GALNT10: variants seen among roughly 807,000 people sequenced by gnomAD.
The protein encoded by GALNT10 is polypeptide N-acetylgalactosaminyltransferase 10, also known as GalNAc transferase 10.
A neutral mutation model predicts 75.0 loss-of-function variants in GALNT10; 41 were observed. That is an observed-to-expected ratio of 0.55 (90% CI 0.43 to 0.71). GALNT10 has a LOEUF of 0.71. Among genes scored for constraint, GALNT10 ranks in the 30% least tolerant of loss-of-function variants. The pLI is 0.00. For missense variants in GALNT10, 727 were observed against 818.5 expected (o/e 0.89, Z 1.36); for synonymous variants, 302 against 313.0 (o/e 0.96, Z 0.37).
chr5:154,247,429 C>T (rs1753445799), intron 1 of GALNT10, among the ~76,000 whole-genome samples: 1 of 152,166 alleles, frequency 6.6e-6, no homozygotes, highest in Admixed American at 6.5e-5. Context: ...ATAATTGATT[C>T]TTCCTACCCG....
intron 7 of GALNT10, among the ~76,000 whole-genome samples, chr5:154,398,831 A>G (rs1013413257): frequency 6.6e-6 from 1 of 152,184 alleles, no homozygotes; most frequent in Non-Finnish European, 1.5e-5. Context: ...TTAAGAAAAA[A>G]TACTTCCTCT....
At chr5:154,306,326 T>C (rs1754432425) in intron 3 of GALNT10, among the ~76,000 whole-genome samples, 1 of 152,170 alleles carries the variant, frequency 6.6e-6, no homozygotes, top group African/African-American at 2.4e-5. Context: ...ATACAAAGTA[T>C]CACTCTAACC....
At chr5:154,210,498 C>T (rs1161411029) in intron 1 of GALNT10, among the ~76,000 whole-genome samples, 3 of 152,312 alleles carry the variant, frequency 2.0e-5, no homozygotes, top group Middle Eastern at 3.4e-3. Flanking sequence ...CCCCCTTCTA[C>T]CCCAACCCTC....
chr5:154,409,633 T>C lies in GALNT10; in HGVS notation c.1257T>C (p.Asp419=). The change falls in exon 9 of 12, where the codon GAT becomes GAC. Residue 419 remains aspartate (D), a synonymous_variant. Coordinates refer to ENST00000297107, the MANE Select transcript of GALNT10 (RefSeq NM_198321.4). The surrounding 1 kb of genome is among the most constrained non-coding windows in gnomAD (Gnocchi z 4.5). ...AATACCGCCACCTCTCCGCTGGGGATGTCGCAGTCCAGAAAAAGCTCCGCA... is the reference window on the plus strand; with the variant it reads ...AATACCGCCACCTCTCCGCTGGGGACGTCGCAGTCCAGAAAAAGCTCCGCA... ...RPEYRHLSAG[D]VAVQKKLRSS... 1 of 1,613,294 alleles carries C rather than the reference T, an allele frequency of 6.2e-7. No homozygotes were observed. The highest frequency in any genetic ancestry group is 2.2e-5 in the East Asian group (1 of 44,880).
chr5:154,257,844 A>C (rs72808624), intron 1 of GALNT10, among the ~76,000 whole-genome samples: 6,548 of 152,204 alleles, frequency 0.043, 165 homozygotes, highest in Middle Eastern at 0.13. Flanking sequence ...GATTTTGCAG[A>C]TATGTTTGTG....
At chr5:154,270,991 C>CA (rs5872366) in intron 1 of GALNT10, among the ~76,000 whole-genome samples, 1,092 of 75,586 alleles carry the variant, frequency 0.014, 11 homozygotes, top group Non-Finnish European at 0.018. Context: ...GATTCCATCT[C>CA]AAAAAAAAAA....
chr5:154,404,139 C>T lies in GALNT10; in HGVS notation c.1092C>T (p.Pro364=). 2 of 1,613,848 alleles carry T rather than the reference C, an allele frequency of 1.2e-6. No homozygotes were observed. Among genetic ancestry groups the T allele is most frequent in the Non-Finnish European group, 1.7e-6 (2 of 1,179,796 alleles). The change falls in exon 8 of 12, where the codon CCC becomes CCT. Residue 364 remains proline (P), a synonymous_variant. Transcript: ENST00000297107. The stretch of plus-strand genomic sequence containing the variant: ...GTGGGGGCCGCATGGAGGACATCCC[C>T]TGCTCCAGGGTGGGCCATATCTACA... The part of the protein sequence containing the change: ...WMCGGRMEDI[P]CSRVGHIYRK...
intron 7 of GALNT10, among the ~76,000 whole-genome samples, chr5:154,393,813 A>G (rs909722001): frequency 3.9e-5 from 6 of 152,156 alleles, no homozygotes; most frequent in African/African-American, 1.4e-4. Context: ...ACTGCACTCC[A>G]GCCTGGGTGA....
chr5:154,336,101 T>C (rs1325650527), intron 4 of GALNT10, among the ~76,000 whole-genome samples: 1 of 152,210 alleles, frequency 6.6e-6, no homozygotes, highest in Admixed American at 6.5e-5. Context: ...CCTTTTCAGA[T>C]TGGCTTCTTT....
At chr5:154,398,083 C>G (rs1339119235) in intron 7 of GALNT10, among the ~76,000 whole-genome samples, 1 of 152,230 alleles carries the variant, frequency 6.6e-6, no homozygotes, top group Non-Finnish European at 1.5e-5. Flanking sequence ...CAGGCTTTCA[C>G]AATTAGATTT....
intron 1 of GALNT10, among the ~76,000 whole-genome samples, chr5:154,289,577 G>A (rs550871385): frequency 2.6e-5 from 4 of 152,324 alleles, no homozygotes; most frequent in Admixed American, 2.6e-4. Flanking sequence ...AGGATTTAGG[G>A]CAAGTCCATT....
intron 4 of GALNT10, among the ~76,000 whole-genome samples, chr5:154,366,385 G>A (rs1040062088): frequency 2.0e-5 from 3 of 152,034 alleles, no homozygotes; most frequent in African/African-American, 7.2e-5. Context: ...GCATTGAGTT[G>A]GAGAAGGTTG....
intron 1 of GALNT10, among the ~76,000 whole-genome samples, chr5:154,222,732 T>C (rs1405524234): frequency 6.6e-6 from 1 of 152,218 alleles, no homozygotes; most frequent in East Asian, 1.9e-4. Flanking sequence ...TCTTCATGTG[T>C]TTATTGGCCG....
chr5:154,213,175 T>C (rs901183355), intron 1 of GALNT10, among the ~76,000 whole-genome samples: 2 of 152,194 alleles, frequency 1.3e-5, no homozygotes, highest in African/African-American at 2.4e-5. Flanking sequence ...TATTATCAGC[T>C]CACAGTCAAA....
intron 1 of GALNT10, among the ~76,000 whole-genome samples, chr5:154,231,907 A>G (rs1753156307): frequency 6.6e-6 from 1 of 152,178 alleles, no homozygotes; most frequent in Non-Finnish European, 1.5e-5. Flanking sequence ...TCTGCACAGG[A>G]TCCTGCATAC....
At position 154,347,644 on chromosome 5, in the gene GALNT10, G is replaced by T. The variant is rs978673270; in HGVS notation, c.568+17906G>T. 3.3e-5 allele frequency among the ~76,000 whole-genome samples: 5 copies of T among 152,064 alleles called. No individual in the cohort carries two copies. In the East Asian group the frequency reaches 9.6e-4, roughly 29 times the overall value. Reference sequence around the variant, plus strand: ...CCCAAGGTGCTGGGATTACAGGCGTGAGCCACCACCACACCCAGTCTACTT... The same window carrying T: ...CCCAAGGTGCTGGGATTACAGGCGTTAGCCACCACCACACCCAGTCTACTT... On this transcript the variant is annotated intron_variant, in intron 4 of 11. Coordinates refer to ENST00000297107, the MANE Select transcript of GALNT10 (RefSeq NM_198321.4).
At chr5:154,356,140 T>C (rs1329849723) in intron 4 of GALNT10, 1 of 456,306 alleles carries the variant, frequency 2.2e-6, no homozygotes, top group East Asian at 6.9e-5. Flanking sequence ...AAAGATTATG[T>C]CTGCAATTAC....
intron 7 of GALNT10, 80 bp downstream of exon 7, chr5:154,386,510 G>A (rs751583811): frequency 4.2e-6 from 4 of 945,790 alleles, no homozygotes; most frequent in Non-Finnish European, 7.0e-6. Flanking sequence ...GCTTCTGCCT[G>A]AGCTTGGAAA....
chr5:154,218,971 A>G (rs1204415566), intron 1 of GALNT10, among the ~76,000 whole-genome samples: 1 of 152,118 alleles, frequency 6.6e-6, no homozygotes, highest in Non-Finnish European at 1.5e-5. Context: ...AACCAGAGTG[A>G]TCTTTCCAAA....
Sources: gnomAD v4.1 joint callset for allele counts (sites outside exome capture counted in the v4.1 genomes callset) on GRCh38, gnomAD v4.1.1 for gene constraint, Gnocchi (gnomAD v3.1) non-coding constraint, MANE v1.5 for transcripts, NCBI Gene and HGNC (gene_info 2026-07-23, HGNC 2026-07-21) for gene names.